MYLK: variants seen among roughly 807,000 people sequenced by gnomAD.
MYLK encodes the protein myosin light chain kinase.
Under a neutral mutation model 203.4 loss-of-function variants are expected in MYLK, and 106 were observed. The observed-to-expected ratio is 0.52, with a 90% CI of 0.45 to 0.61. The LOEUF is 0.61. Ranked by LOEUF, MYLK falls within the 20% of genes least tolerant of loss-of-function variation. The pLI is 0.00. For missense variants in MYLK, 2,072 were observed against 2,442.3 expected, an observed-to-expected ratio of 0.85 and a Z score of 3.20; for synonymous variants, 867 against 959.5, an observed-to-expected ratio of 0.90 and a Z score of 1.78.
At chr3:123,678,654 AACAC>A (rs151133463) in intron 20 of MYLK, among the ~76,000 whole-genome samples, 1 of 150,238 alleles carries the variant, frequency 6.7e-6, no homozygotes, top group African/African-American at 2.4e-5. Flanking sequence ...CACACACACA[AACAC>A]ACACACACAC....
rs564951503 is a variant in MYLK at position 123,628,314 on chromosome 3, T to TG, written c.5114+1159dup. On this transcript the variant is annotated intron_variant, in intron 30 of 33. Transcript: ENST00000360304. The stretch of plus-strand genomic sequence containing the variant: ...CCTTCAGCAACTAACTGTGCCTTCC[T>TG]GCCCCGAACAGCCATTCTTCCTCAG... 2.1e-3 allele frequency among the ~76,000 whole-genome samples: 318 copies of TG among 152,284 alleles called. 3 individuals carry two copies. Among genetic ancestry groups the TG allele is most frequent in the Non-Finnish European group, 5.0e-4 (34 of 68,014 alleles).
Position 123,795,911 on chromosome 3 carries a change from T to C in MYLK, c.-3-2067A>G, listed in dbSNP as rs13434256. Among the ~76,000 whole-genome samples, 1,250 of 152,348 alleles carry C rather than the reference T, an allele frequency of 8.2e-3. 18 individuals are homozygous for C. The highest frequency in any genetic ancestry group is 0.029 in the African/African-American group (1,202 of 41,574). On this transcript the variant is annotated intron_variant, in intron 3 of 33. Coordinates refer to ENST00000360304, the MANE Select transcript of MYLK (RefSeq NM_053025.4). ...CTCTCTGGGACATGTAATTAGTTTG[T>C]TTAAATTTAATAATCTCTAACAAAA...
At chr3:123,618,946 G>GT (rs942241387) in intron 32 of MYLK, among the ~76,000 whole-genome samples, 176 bp from the exon 33 acceptor site, 1 of 152,212 alleles carries the variant, frequency 6.6e-6, no homozygotes, top group African/African-American at 2.4e-5. Context: ...CTGCCAAATG[G>GT]TTTTTGGCAG....
intron 19 of MYLK, among the ~76,000 whole-genome samples, chr3:123,690,363 C>G (rs1576567215): frequency 6.6e-6 from 1 of 152,352 alleles, no homozygotes; most frequent in Middle Eastern, 3.4e-3. Flanking sequence ...GGACCCCTCT[C>G]TTCAGAAAGA....
intron 24 of MYLK, among the ~76,000 whole-genome samples, chr3:123,656,840 A>G (rs1368114736): frequency 6.6e-6 from 1 of 152,208 alleles, no homozygotes; most frequent in Admixed American, 6.5e-5. Flanking sequence ...GAAGAGGAAC[A>G]TGAGGCCGCT....
intron 3 of MYLK, among the ~76,000 whole-genome samples, chr3:123,800,464 G>A (rs2065156476): frequency 6.6e-6 from 1 of 152,096 alleles, no homozygotes; most frequent in Non-Finnish European, 1.5e-5. Flanking sequence ...GCAGATGGAT[G>A]GAGAACTCCT....
chr3:123,857,034 A>C (rs2031454647), intron 2 of MYLK, among the ~76,000 whole-genome samples: 2 of 152,214 alleles, frequency 1.3e-5, no homozygotes, highest in African/African-American at 2.4e-5. Context: ...CAGCCAAAAA[A>C]CACATGAGAA....
At chr3:123,835,723 C>T (rs949859879) in intron 2 of MYLK, 1 of 152,152 alleles carries the variant, frequency 6.6e-6, no homozygotes, top group Non-Finnish European at 1.5e-5. Context: ...TCCAAGGACA[C>T]CAGAATCCCT....
chr3:123,705,179 G>A lies in MYLK; in HGVS notation c.2390+2575C>T, dbSNP rs189337616. Among the ~76,000 whole-genome samples, 125 of 150,612 alleles carry A rather than the reference G, an allele frequency of 8.3e-4. 1 individual carries two copies. Among genetic ancestry groups the A allele is most frequent in the African/African-American group, 2.7e-3 (110 of 40,518 alleles). ...TCCCAGCCATCCAGTCATTCCCCTC[G>A]AAAGGCACCCTGCTCTACGTCTAGG... is the stretch of plus-strand genomic sequence containing the variant. On this transcript the variant is annotated intron_variant, in intron 16 of 33. Transcript: ENST00000360304.
At chr3:123,644,851 G>A (rs934364321) in intron 27 of MYLK, among the ~76,000 whole-genome samples, 5 of 152,152 alleles carry the variant, frequency 3.3e-5, no homozygotes, top group Admixed American at 2.0e-4. Context: ...TCTTCACCGC[G>A]TCTTTTATGG....
At chr3:123,734,332 CA>C in intron 9 of MYLK, 110 bp from the exon 10 acceptor site, 1 of 1,133,344 alleles carries the variant, frequency 8.8e-7, no homozygotes, top group Non-Finnish European at 1.2e-6. Context: ...CCAGGGATCA[CA>C]AAAGCCCACA....
chr3:123,666,866 G>A, intron 21 of MYLK: 1 of 596,628 alleles, frequency 1.7e-6, no homozygotes, highest in South Asian at 2.0e-5. Context: ...GAAGGGGCAG[G>A]CAGGAGAGCT....
chr3:123,841,604 T>C (rs140804130), intron 2 of MYLK, among the ~76,000 whole-genome samples: 125 of 152,198 alleles, frequency 8.2e-4, no homozygotes, highest in African/African-American at 2.9e-3. Context: ...ATACCAACAA[T>C]GAGACCTACT....
At chr3:123,793,640 C>A (rs753374483) in intron 4 of MYLK, 37 bp downstream of exon 4, 50 of 1,612,606 alleles carry the variant, frequency 3.1e-5, no homozygotes, top group Admixed American at 1.8e-4. Flanking sequence ...CCTGCCCATC[C>A]TTCCCCACAG....
At chr3:123,841,089 A>G (rs1307813519) in intron 2 of MYLK, among the ~76,000 whole-genome samples, 4 of 152,130 alleles carry the variant, frequency 2.6e-5, no homozygotes, top group Admixed American at 6.5e-5. Flanking sequence ...GCAGATTTCT[A>G]TTGAATAAAA....
At chr3:123,798,052 C>T (rs768657670) in intron 3 of MYLK, among the ~76,000 whole-genome samples, 23 of 152,116 alleles carry the variant, frequency 1.5e-4, no homozygotes, top group East Asian at 5.8e-4. Flanking sequence ...GGCAGCTTCC[C>T]GCAGCACCTT....
chr3:123,677,678 A>G (rs2108421361), intron 20 of MYLK, among the ~76,000 whole-genome samples: 1 of 152,136 alleles, frequency 6.6e-6, no homozygotes, highest in East Asian at 1.9e-4. Flanking sequence ...GAACATTATT[A>G]GAACAATTGA....
At chr3:123,851,158 C>T (rs1192227333) in intron 2 of MYLK, among the ~76,000 whole-genome samples, 5 of 151,968 alleles carry the variant, frequency 3.3e-5, no homozygotes, top group Admixed American at 1.3e-4. Context: ...CCTTGTAGTA[C>T]AGTTTGAAGT....
chr3:123,793,633 G>A (rs767615330), intron 4 of MYLK, 44 bp downstream of exon 4: 2 of 1,609,020 alleles, frequency 1.2e-6, no homozygotes, highest in African/African-American at 2.7e-5. Flanking sequence ...AGCGGCCCCT[G>A]CCCATCCTTC....
Sources: allele counts gnomAD v4.1 joint callset (sites outside exome capture counted in the v4.1 genomes callset), GRCh38; gene constraint gnomAD v4.1.1; transcripts MANE v1.5; gene names NCBI Gene and HGNC (gene_info 2026-07-23, HGNC 2026-07-21).